Variants in MBNL2 observed in about 807,000 individuals in gnomAD.
MBNL2 encodes muscleblind-like protein 2.
In MBNL2, 17 loss-of-function variants were observed where a neutral mutation model predicts 41.9. That is an observed-to-expected ratio of 0.41 (90% confidence interval 0.28 to 0.61). The LOEUF (loss-of-function observed/expected upper bound fraction) is 0.61, where lower values mean the gene tolerates loss of function less well. Ranked by LOEUF, MBNL2 falls within the 20% of genes least tolerant of loss-of-function variation. The pLI is 0.35. For synonymous variants in MBNL2, 195 were observed against 182.9 expected (o/e 1.07, Z -0.53); for missense variants, 336 against 505.6 (o/e 0.66, Z 3.22).
At chr13:97,194,738 G>A in the MBNL2 span, among the ~76,000 whole-genome samples, 1 of 152,174 alleles carries the variant, frequency 6.6e-6, no homozygotes, top group Non-Finnish European at 1.5e-5. Context: ...GTGACCTCTG[G>A]TTGCCTTCAC....
chr13:97,287,928 TGTTTTGTTTTG>T (rs1374329446), intron 2 of MBNL2, among the ~76,000 whole-genome samples: 987 of 87,966 alleles, frequency 0.011, 41 homozygotes, highest in African/African-American at 0.02. Flanking sequence ...GTTTTTTTTT[TGTTTTGTTTTG>T]TTTTTTTTTT....
the MBNL2 span, among the ~76,000 whole-genome samples, chr13:97,211,918 A>G: frequency 6.6e-6 from 1 of 152,212 alleles, no homozygotes; most frequent in African/African-American, 2.4e-5. Flanking sequence ...TATCGGAATG[A>G]GTTAGTGTGA....
chr13:97,366,879 C>G lies in MBNL2; in HGVS notation c.1048+1708C>G, dbSNP rs1045767474. Among the ~76,000 whole-genome samples, 1 of 152,052 alleles carries G rather than the reference C, an allele frequency of 6.6e-6. No individual in the cohort carries two copies. Among genetic ancestry groups the G allele is most frequent in the Non-Finnish European group, 1.5e-5 (1 of 68,024 alleles). On this transcript the variant is annotated intron_variant, in intron 8 of 8. Transcript: ENST00000679496. This position sits in a 1 kb window ranked among gnomAD's most constrained non-coding sequence, Gnocchi z 4.7. ...AATGGCCACATAAAAATTGTAGACG[C>G]GCACCCATGGGTGCTTCAAAACTGG...
At chr13:97,187,725 C>G in the MBNL2 span, among the ~76,000 whole-genome samples, 8 of 150,190 alleles carry the variant, frequency 5.3e-5, no homozygotes, top group East Asian at 3.9e-4. Flanking sequence ...GGCTAACACA[C>G]TGAAACCCCG....
At chr13:97,329,636 AACACACACACAATAC>A (rs2060213003) in intron 2 of MBNL2, among the ~76,000 whole-genome samples, 8 of 150,958 alleles carry the variant, frequency 5.3e-5, no homozygotes, top group African/African-American at 7.3e-5. Flanking sequence ...CTAGACACAC[AACACACACACAATAC>A]ACACACATGC....
At chr13:97,207,060 T>C in the MBNL2 span, among the ~76,000 whole-genome samples, 6 of 152,278 alleles carry the variant, frequency 3.9e-5, no homozygotes, top group South Asian at 1.2e-3. Flanking sequence ...CCTACCTCCT[T>C]GGATCCCCTT....
the MBNL2 span, among the ~76,000 whole-genome samples, chr13:97,164,749 G>T: frequency 1.3e-5 from 2 of 152,098 alleles, no homozygotes; most frequent in Non-Finnish European, 2.9e-5. Context: ...TAATGCCAAG[G>T]GGAAAAATGT....
At chr13:97,148,514 CTT>C in the MBNL2 span, among the ~76,000 whole-genome samples, 2 of 152,098 alleles carry the variant, frequency 1.3e-5, no homozygotes, top group Non-Finnish European at 2.9e-5. Flanking sequence ...ATGTACCAGT[CTT>C]TTGGGGGATG....
At chr13:97,162,895 G>C in the MBNL2 span, among the ~76,000 whole-genome samples, 1 of 152,300 alleles carries the variant, frequency 6.6e-6, no homozygotes, top group Non-Finnish European at 1.5e-5. Context: ...AGGAGAGTCA[G>C]GATATTTGGG....
the MBNL2 span, among the ~76,000 whole-genome samples, chr13:97,180,965 C>A: frequency 6.6e-6 from 1 of 152,074 alleles, no homozygotes; most frequent in African/African-American, 2.4e-5. Context: ...ATAATCTATT[C>A]TCTTGCCTTT....
intron 1 of MBNL2, among the ~76,000 whole-genome samples, chr13:97,262,760 TTTTTTTTTTAATAA>T (rs1381437802): frequency 1.4e-5 from 2 of 146,388 alleles, no homozygotes; most frequent in Non-Finnish European, 3.0e-5. Flanking sequence ...CCTCCCTCGC[TTTTTTTTTTAATAA>T]TTTTTTTTGA....
intron 8 of MBNL2, among the ~76,000 whole-genome samples, chr13:97,388,251 T>G (rs551632649): frequency 4.6e-5 from 7 of 151,428 alleles, no homozygotes; most frequent in Non-Finnish European, 8.8e-5. Context: ...CCATGAAGGT[T>G]TTGATCCTCC....
At chr13:97,302,637 G>A (rs570630243) in intron 2 of MBNL2, among the ~76,000 whole-genome samples, 43 of 152,336 alleles carry the variant, frequency 2.8e-4, no homozygotes, top group Non-Finnish European at 3.1e-4. Flanking sequence ...GTATGTGGCA[G>A]AGTTGAGTTT....
At chr13:97,183,648 A>G in the MBNL2 span, among the ~76,000 whole-genome samples, 1 of 152,174 alleles carries the variant, frequency 6.6e-6, no homozygotes, top group Non-Finnish European at 1.5e-5. Flanking sequence ...CGCCTCCAAA[A>G]GCACCTTGCC....
intron 7 of MBNL2, 73 bp downstream of exon 7, chr13:97,357,708 TG>T: frequency 1.4e-6 from 2 of 1,449,116 alleles, no homozygotes; most frequent in South Asian, 2.3e-5. Flanking sequence ...CTAAGCTGTT[TG>T]GTGGCATCTA....
intron 2 of MBNL2, among the ~76,000 whole-genome samples, chr13:97,313,615 C>T (rs976983619): frequency 5.3e-5 from 8 of 152,204 alleles, no homozygotes; most frequent in African/African-American, 1.9e-4. Context: ...CAGCCTGCTG[C>T]CTAAACAGCT....
At chr13:97,344,010 T>G (rs1193988969) in intron 4 of MBNL2, among the ~76,000 whole-genome samples, 1 of 152,184 alleles carries the variant, frequency 6.6e-6, no homozygotes, top group Admixed American at 6.5e-5. Context: ...TTCTCCATGT[T>G]GGTCAGGCTG....
chr13:97,337,743 CTCTT>C (rs1263868501), intron 3 of MBNL2, among the ~76,000 whole-genome samples: 1 of 152,204 alleles, frequency 6.6e-6, no homozygotes, highest in Non-Finnish European at 1.5e-5. Context: ...ACCTAGCAGA[CTCTT>C]TCCTGAAATC....
intron 2 of MBNL2, among the ~76,000 whole-genome samples, chr13:97,327,038 T>C (rs1203143018): frequency 1.3e-5 from 2 of 152,098 alleles, no homozygotes; most frequent in Admixed American, 6.5e-5. Context: ...CCTTGAGAGC[T>C]TTTGAAACTA....
Sources: gnomAD v4.1 joint callset for allele counts (sites outside exome capture counted in the v4.1 genomes callset) on GRCh38, gnomAD v4.1.1 for gene constraint, Gnocchi (gnomAD v3.1) non-coding constraint, MANE v1.5 for transcripts, NCBI Gene and HGNC (gene_info 2026-07-23, HGNC 2026-07-21) for gene names.